The following CGNL1 variants were observed in gnomAD, a reference collection of about 807,000 sequenced individuals.
The protein encoded by CGNL1 is cingulin-like protein 1.
In CGNL1, 132 loss-of-function variants were observed where a neutral mutation model predicts 141.2. The observed-to-expected ratio is 0.93, with a 90% CI of 0.81 to 1.08. CGNL1 has a LOEUF of 1.08. CGNL1 is among the 50% of genes least tolerant of loss of function. The pLI, the probability that CGNL1 is intolerant of heterozygous loss-of-function variation, is 0.00. For missense variants in CGNL1, 1,870 were observed against 1,588.6 expected, an observed-to-expected ratio of 1.18 and a Z score of -3.01; for synonymous variants, 690 against 622.1, an observed-to-expected ratio of 1.11 and a Z score of -1.63.
At chr15:57,409,214 G>A (rs1429809262) in intron 1 of CGNL1, among the ~76,000 whole-genome samples, 7 of 152,194 alleles carry the variant, frequency 4.6e-5, no homozygotes, top group African/African-American at 1.7e-4. Context: ...TAAGGCCTGG[G>A]GAAAGCAGGC....
chr15:57,381,138 C>CA (rs2062419813), intron 1 of CGNL1, among the ~76,000 whole-genome samples: 1 of 152,160 alleles, frequency 6.6e-6, no homozygotes, highest in South Asian at 2.1e-4. Flanking sequence ...TTTCAAGTGC[C>CA]AGGTAGCATG....
Position 57,452,246 on chromosome 15 carries a change from C to T in CGNL1, c.2011C>T (p.Arg671Ter), listed in dbSNP as rs774776336. 9 of 1,613,794 alleles carry T rather than the reference C, an allele frequency of 5.6e-6. No homozygotes were observed. The highest frequency in any genetic ancestry group is 4.5e-5 in the East Asian group (2 of 44,866). The change falls in exon 6 of 19, where the codon CGA becomes TGA. Residue 671 changes from arginine (R) to a stop codon, truncating the protein, a stop_gained. Coordinates refer to ENST00000281282, the MANE Select transcript of CGNL1 (RefSeq NM_032866.5). LOFTEE classifies it high-confidence loss of function. ...GGAGGAGAACTCCACATTGCAGCAA[C>T]GACTGGAAGAAAGTGAAGGGGAGCT... ...KVEENSTLQQRLEESEGELRK... is the reference protein window; with the variant it reads ...KVEENSTLQQ
intron 1 of CGNL1, among the ~76,000 whole-genome samples, chr15:57,436,673 T>C (rs2063109713): frequency 6.6e-6 from 1 of 151,548 alleles, no homozygotes; most frequent in African/African-American, 2.4e-5. Context: ...AACAACAAAA[T>C]AAAACAAAGG....
intron 1 of CGNL1, among the ~76,000 whole-genome samples, chr15:57,389,181 C>G (rs1474645036): frequency 6.6e-6 from 1 of 151,982 alleles, no homozygotes; most frequent in African/African-American, 2.4e-5. Context: ...AATCATGTGC[C>G]TGGGGCATCA....
chr15:57,434,777 TC>T (rs1231676839), intron 1 of CGNL1, among the ~76,000 whole-genome samples: 56 of 152,342 alleles, frequency 3.7e-4, no homozygotes, highest in African/African-American at 1.3e-3. Context: ...GGCTTCTATG[TC>T]CAGCTAGACC....
chr15:57,425,209 GAAT>G (rs2062959253), intron 1 of CGNL1, among the ~76,000 whole-genome samples: 3 of 152,042 alleles, frequency 2.0e-5, no homozygotes, highest in African/African-American at 7.2e-5. Context: ...AACAAAATAA[GAAT>G]AATAGGCTGG....
rs771190678 is a variant in CGNL1 at position 57,461,788 on chromosome 15, C to A, written c.2299C>A (p.Leu767Met). The A allele has an allele frequency of 3.7e-6, 6 of 1,614,068 alleles. No homozygotes were observed. The highest frequency in any genetic ancestry group is 5.1e-6 in the Non-Finnish European group (6 of 1,180,002). Reference protein sequence around the residue: ...ERELTALKGALKEEVSSHDQE... With the variant: ...ERELTALKGAMKEEVSSHDQE... ...TGAACTCACCGCCCTGAAGGGAGCC[C>A]TGAAAGAAGAGGTTTCCAGCCATGA... is the stretch of plus-strand genomic sequence containing the variant. Residue 767 changes from leucine (L) to methionine (M), a missense_variant, in exon 8 of 19, where the codon CTG (leucine) becomes ATG (methionine). By Grantham distance (15) the Leu-to-Met change is conservative. Transcript: ENST00000281282.
rs145971873 is a variant in CGNL1, at chr15:57,438,389, A to G, written c.390A>G (p.Leu130=). 2.5e-6 allele frequency: 4 copies of G among 1,614,100 alleles called. No individual in the cohort carries two copies. The highest frequency in any genetic ancestry group is 1.1e-5 in the South Asian group (1 of 91,090). Residue 130 remains leucine (L), a synonymous_variant, in exon 2 of 19, where the codon CTA becomes CTG. Transcript: ENST00000281282. The part of the protein sequence containing the change: ...PLLHEGKNGV[L]DRKDGSVKPS... Reference sequence around the variant, plus strand: ...TCCATGAGGGCAAGAATGGAGTTCTAGATCGCAAAGACGGGTCTGTGAAGC... The same window carrying G: ...TCCATGAGGGCAAGAATGGAGTTCTGGATCGCAAAGACGGGTCTGTGAAGC...
intron 1 of CGNL1, among the ~76,000 whole-genome samples, chr15:57,384,990 C>G (rs1307864726): frequency 2.0e-5 from 3 of 152,186 alleles, no homozygotes; most frequent in African/African-American, 7.2e-5. Flanking sequence ...TTCAAGTTCT[C>G]ATGGTGAATC....
chr15:57,525,156 C>T (rs1454081011), intron 12 of CGNL1, among the ~76,000 whole-genome samples: 1 of 152,160 alleles, frequency 6.6e-6, no homozygotes, highest in Non-Finnish European at 1.5e-5. Context: ...AAAATACAGA[C>T]TTTTATTGGC....
intron 8 of CGNL1, among the ~76,000 whole-genome samples, chr15:57,496,503 C>T (rs556188362): frequency 6.6e-6 from 1 of 152,140 alleles, no homozygotes; most frequent in Non-Finnish European, 1.5e-5. Context: ...GTCCTGAAAC[C>T]ATCCCTCCCC....
intron 1 of CGNL1, among the ~76,000 whole-genome samples, chr15:57,432,621 G>A (rs191697953): frequency 1.3e-5 from 2 of 152,312 alleles, no homozygotes; most frequent in East Asian, 3.9e-4. Flanking sequence ...AGTCCCCGAC[G>A]GCGCAAGCGT....
At chr15:57,483,030 G>A (rs989961235) in intron 8 of CGNL1, among the ~76,000 whole-genome samples, 9 of 152,096 alleles carry the variant, frequency 5.9e-5, no homozygotes, top group African/African-American at 9.7e-5. Flanking sequence ...CAGGTGGTCC[G>A]CCCACCGCGG....
intron 1 of CGNL1, among the ~76,000 whole-genome samples, chr15:57,433,918 A>T (rs1360390667): frequency 6.6e-6 from 1 of 152,242 alleles, no homozygotes; most frequent in Non-Finnish European, 1.5e-5. Context: ...TGGGTTCTTC[A>T]GTGGAATACT....
intron 4 of CGNL1, among the ~76,000 whole-genome samples, chr15:57,450,254 C>A (rs1305931026): frequency 6.6e-6 from 1 of 152,074 alleles, no homozygotes; most frequent in Non-Finnish European, 1.5e-5. Context: ...CATCCTAATT[C>A]GTATATATTG....
intron 5 of CGNL1, 133 bp downstream of exon 5, chr15:57,451,734 A>C: frequency 1.5e-6 from 1 of 669,612 alleles, no homozygotes; most frequent in Non-Finnish European, 2.5e-6. Flanking sequence ...CTAATCACTG[A>C]ATAAATTCCT....
intron 1 of CGNL1, among the ~76,000 whole-genome samples, chr15:57,434,399 T>C (rs1335646583): frequency 2.0e-5 from 3 of 152,142 alleles, no homozygotes; most frequent in South Asian, 2.1e-4. Flanking sequence ...ATTGCTATTA[T>C]AGTAGATGCA....
At chr15:57,543,630 C>A in intron 14 of CGNL1, 66 bp from the exon 15 acceptor site, 1 of 1,402,114 alleles carries the variant, frequency 7.1e-7, no homozygotes, top group Non-Finnish European at 1.0e-6. Flanking sequence ...TCCTTGCCAC[C>A]ATTTCAGTAC....
intron 10 of CGNL1, among the ~76,000 whole-genome samples, chr15:57,521,728 A>G (rs756613159): frequency 3.1e-4 from 47 of 152,106 alleles, no homozygotes; most frequent in Non-Finnish European, 4.7e-4. Context: ...GCCCTGCCTG[A>G]GCCAAGAGTG....
Sources: allele counts gnomAD v4.1 joint callset (sites outside exome capture counted in the v4.1 genomes callset), GRCh38; gene constraint gnomAD v4.1.1; transcripts MANE v1.5; gene names NCBI Gene and HGNC (gene_info 2026-07-23, HGNC 2026-07-21).